HTR3C: variants seen among roughly 807,000 people sequenced by gnomAD.
The protein encoded by HTR3C is 5-HT3-C.
Under a neutral mutation model 40.5 loss-of-function variants are expected in HTR3C, and 32 were observed. That is an observed-to-expected ratio of 0.79 (90% confidence interval 0.60 to 1.06). The LOEUF (loss-of-function observed/expected upper bound fraction) is 1.06. HTR3C is among the 50% of genes least tolerant of loss of function. The pLI is 0.00. For missense variants in HTR3C, 523 were observed against 556.8 expected (o/e 0.94, Z 0.61); for synonymous variants, 209 against 217.1 (o/e 0.96, Z 0.33).
Position 184,060,643 on chromosome 3 carries a change from T to C in HTR3C, c.*291T>C. ...CCAGGTCAGTGGAGTCTCTCCTTGA[T>C]TGATCACCCCAATAAACAACTTTCC... On this transcript the variant is annotated 3_prime_UTR_variant, in exon 9 of 9. Coordinates refer to ENST00000318351, the MANE Select transcript of HTR3C (RefSeq NM_130770.3). 4.2e-6 allele frequency: 2 copies of C among 473,848 alleles called. No individual in the cohort carries two copies. Among genetic ancestry groups the C allele is most frequent in the Non-Finnish European group, 7.7e-6 (2 of 260,284 alleles). 29.4% of individuals were successfully genotyped at this position (473,848 alleles called of 1,614,324 possible). A position where few individuals can be genotyped will look rare whatever the true frequency, so the allele number is the denominator to read the frequency against.
chr3:184,059,715 G>GC, intron 7 of HTR3C, 75 bp downstream of exon 7: 1 of 1,592,642 alleles, frequency 6.3e-7, no homozygotes, highest in Non-Finnish European at 8.6e-7. Context: ...AATGGCCGCT[G>GC]CTCCACTGAA....
rs527966199 is a variant in HTR3C, at chr3:184,060,574, C to A, written c.*222C>A. Reference sequence around the variant, plus strand: ...GCTCATTCCTGCTCACCCTCAGTCTCCCTGAGCTACCACCTAACTCCTCAC... The same window carrying A: ...GCTCATTCCTGCTCACCCTCAGTCTACCTGAGCTACCACCTAACTCCTCAC... On this transcript the variant is annotated 3_prime_UTR_variant, in exon 9 of 9. Coordinates refer to ENST00000318351, the MANE Select transcript of HTR3C (RefSeq NM_130770.3). 9.2e-5 allele frequency: 55 copies of A among 597,232 alleles called. No individual in the cohort carries two copies. The highest frequency in any genetic ancestry group is 9.1e-4 in the South Asian group (46 of 50,406). The allele number at this position is 597,232 out of a possible 1,614,324, so 37.0% of individuals were successfully genotyped here.
At chr3:184,054,493 G>T (rs1191257417) in intron 1 of HTR3C, among the ~76,000 whole-genome samples, 1 of 152,172 alleles carries the variant, frequency 6.6e-6, no homozygotes, top group East Asian at 1.9e-4. Flanking sequence ...GCATGAGGAT[G>T]AAGCAATGGG....
chr3:184,059,498 G>T lies in HTR3C; in HGVS notation c.783G>T (p.Leu261=), dbSNP rs1214981517. 2 of 1,614,166 alleles carry T rather than the reference G, an allele frequency of 1.2e-6. No individual in the cohort carries two copies. The highest frequency in any genetic ancestry group is 1.7e-6 in the Non-Finnish European group (2 of 1,180,032). The change falls in exon 7 of 9, where the codon CTG becomes CTT. Residue 261 remains leucine, a synonymous_variant. Transcript: ENST00000318351. ...IINLLVPSSF[L]VAIDALSFYL... ...ACCTGCTGGTGCCCAGTAGCTTTCT[G>T]GTTGCCATTGATGCCCTCAGCTTCT... is the stretch of plus-strand genomic sequence containing the variant.
intron 1 of HTR3C, among the ~76,000 whole-genome samples, chr3:184,054,381 G>A (rs551988385): frequency 6.6e-6 from 1 of 152,284 alleles, no homozygotes; most frequent in East Asian, 1.9e-4. Context: ...CAGTTCTACT[G>A]CTAGGTGAGC....
Position 184,058,498 on chromosome 3 carries a change from A to AC in HTR3C, c.634dup (p.Gln212ProfsTer24). 1 of 1,613,508 alleles carries AC rather than the reference A, an allele frequency of 6.2e-7. No homozygotes were observed. On this transcript the variant is annotated frameshift_variant, in exon 6 of 9. Transcript: ENST00000318351. LOFTEE classifies it high-confidence loss of function. ...AGACACGTCTCGCAAAGTCATCCAA[A>AC]CCCAGGGGGAGTGGGAGCTCTTGGG...
chr3:184,053,536 G>A (rs368053003), intron 1 of HTR3C, among the ~76,000 whole-genome samples: 2 of 152,284 alleles, frequency 1.3e-5, no homozygotes, highest in South Asian at 2.1e-4. Context: ...AGGTGGAAAT[G>A]AGCAGATATT....
At chr3:184,058,750 G>T (rs965313327) in intron 6 of HTR3C, among the ~76,000 whole-genome samples, 163 bp downstream of exon 6, 1 of 152,070 alleles carries the variant, frequency 6.6e-6, no homozygotes, top group Non-Finnish European at 1.5e-5. Flanking sequence ...GGATCATGAG[G>T]TCAGGAGTTC....
Position 184,059,994 on chromosome 3 carries a change from GC to G in HTR3C, c.1096del (p.Gln366ArgfsTer23), listed in dbSNP as rs1723412477. 6.2e-7 allele frequency: 1 copy of G among 1,613,590 alleles called. No homozygotes were observed. Among genetic ancestry groups the G allele is most frequent in the Non-Finnish European group, 8.5e-7 (1 of 1,179,996 alleles). On this transcript the variant is annotated frameshift_variant, in exon 8 of 9. Transcript: ENST00000318351. LOFTEE classifies it low-confidence loss of function (END_TRUNC). Reference sequence around the variant, plus strand: ...GCCCAGGGAGATGCTGTCCCACTGCGCCCCAGAAGGGAAATAAGGGCCTGGG... The same window carrying G: ...GCCCAGGGAGATGCTGTCCCACTGCGCCCAGAAGGGAAATAAGGGCCTGGG... The part of the protein sequence containing the change: ...TSPGRCCPTA[P>X]QKGNKGLGLT...
chr3:184,054,719 A>G lies in HTR3C; in HGVS notation c.68-2A>G. On this transcript the variant is annotated splice_acceptor_variant, in intron 1 of 8. Transcript: ENST00000318351. LOFTEE classifies it high-confidence loss of function. ...CTCTCACGGAGTCTCTGCTCTCTAT[A>G]GGAAGAGGCGACGCTTTTACCATCA... 4.4e-6 allele frequency: 7 copies of G among 1,587,524 alleles called. No individual in the cohort carries two copies. The highest frequency in any genetic ancestry group is 6.0e-6 in the Non-Finnish European group (7 of 1,168,674).
chr3:184,059,904 C>T lies in HTR3C; in HGVS notation c.1002C>T (p.His334=), dbSNP rs776274608. The change falls in exon 8 of 9, where the codon CAC becomes CAT. Residue 334 remains histidine, a synonymous_variant. Transcript: ENST00000318351. ...CCGTCTTCATTACCTACCTGCTGCACGTGGCCACCACCCAGCCCCCACCCA... is the reference window on the plus strand; with the variant it reads ...CCGTCTTCATTACCTACCTGCTGCATGTGGCCACCACCCAGCCCCCACCCA... The part of the protein sequence containing the change: ...LETVFITYLL[H]VATTQPPPMP... 8.1e-6 allele frequency: 13 copies of T among 1,613,842 alleles called. No homozygotes were observed. Among genetic ancestry groups the T allele is most frequent in the East Asian group, 4.5e-5 (2 of 44,888 alleles).
At chr3:184,054,625 T>C in intron 1 of HTR3C, 96 bp from the exon 2 acceptor site, 2 of 1,088,174 alleles carry the variant, frequency 1.8e-6, no homozygotes, top group Non-Finnish European at 2.5e-6. Flanking sequence ...GGGGCTCACC[T>C]GCTCCTCTCA....
intron 4 of HTR3C, 41 bp downstream of exon 4, chr3:184,056,327 T>G: frequency 7.3e-7 from 1 of 1,370,088 alleles, no homozygotes; most frequent in Non-Finnish European, 1.0e-6. Context: ...AAACCTCATC[T>G]GCCGAGAACA....
rs1723411931 is a variant in HTR3C at position 184,059,967 on chromosome 3, C to T, written c.1065C>T (p.Thr355=). The part of the protein sequence containing the change: ...RWLHSLLLHC[T]SPGRCCPTAP... ...TTCACTCCCTGCTGCTCCACTGCAC[C>T]AGCCCAGGGAGATGCTGTCCCACTG... Residue 355 remains threonine (T), a synonymous_variant, in exon 8 of 9, where the codon ACC becomes ACT. Coordinates refer to ENST00000318351, the MANE Select transcript of HTR3C (RefSeq NM_130770.3). 6.2e-7 allele frequency: 1 copy of T among 1,613,840 alleles called. No individual in the cohort carries two copies. The highest frequency in any genetic ancestry group is 8.5e-7 in the Non-Finnish European group (1 of 1,180,014).
At chr3:184,057,105 G>T in intron 5 of HTR3C, 61 bp downstream of exon 5, 3 of 1,307,720 alleles carry the variant, frequency 2.3e-6, no homozygotes, top group Non-Finnish European at 3.2e-6. Context: ...AGTGGTGTAG[G>T]TATCATTAGA....
chr3:184,053,279 C>T, intron 1 of HTR3C, 132 bp downstream of exon 1: 1 of 673,126 alleles, frequency 1.5e-6, no homozygotes, highest in Non-Finnish European at 2.6e-6. Context: ...TCCTGATTTC[C>T]TTTTGGTGAC....
At chr3:184,056,443 T>C (rs1200487655) in intron 4 of HTR3C, among the ~76,000 whole-genome samples, 157 bp downstream of exon 4, 4 of 150,312 alleles carry the variant, frequency 2.7e-5, no homozygotes, top group Non-Finnish European at 3.0e-5. Context: ...GGCGAGAGAG[T>C]GACATTAAAG....
At chr3:184,057,733 T>TCAAAA (rs68137954) in intron 5 of HTR3C, among the ~76,000 whole-genome samples, 34 of 150,492 alleles carry the variant, frequency 2.3e-4, no homozygotes, top group African/African-American at 4.9e-4. Flanking sequence ...AGACTCCGTC[T>TCAAAA]CAAAACAAAA....
Position 184,060,013 on chromosome 3 carries a change from G to A in HTR3C, c.1111G>A (p.Gly371Ser). The A allele has an allele frequency of 6.2e-7, 1 of 1,613,842 alleles. No homozygotes were observed. ...CPTAPQKGNK[G>S]LGLTLTHLPG... The stretch of plus-strand genomic sequence containing the variant: ...CACTGCGCCCCAGAAGGGAAATAAG[G>A]GCCTGGGTCTCACCCTCACCCACCT... Residue 371 changes from glycine to serine, a missense_variant, in exon 8 of 9, where the codon GGC becomes AGC. By Grantham distance (56) the Gly-to-Ser change is moderately conservative. Coordinates refer to ENST00000318351, the MANE Select transcript of HTR3C (RefSeq NM_130770.3).
Sources: gnomAD v4.1 joint callset for allele counts (sites outside exome capture counted in the v4.1 genomes callset) on GRCh38, gnomAD v4.1.1 for gene constraint, MANE v1.5 for transcripts, NCBI Gene and HGNC (gene_info 2026-07-23, HGNC 2026-07-21) for gene names.